HSD17B12: variants seen among roughly 807,000 people sequenced by gnomAD.
The protein encoded by HSD17B12 is very-long-chain 3-oxoacyl-CoA reductase.
A neutral mutation model predicts 39.3 loss-of-function variants in HSD17B12; 32 were observed. That is an observed-to-expected ratio of 0.81 (90% CI 0.61 to 1.09). The LOEUF is 1.09. HSD17B12 is among the 50% of genes least tolerant of loss of function. The pLI is 0.00. For synonymous variants in HSD17B12, 150 were observed against 146.7 expected, an observed-to-expected ratio of 1.02 and a Z score of -0.16; for missense variants, 342 against 382.9, an observed-to-expected ratio of 0.89 and a Z score of 0.89.
intron 4 of HSD17B12, among the ~76,000 whole-genome samples, chr11:43,811,536 T>A (rs746465630): frequency 1.1e-4 from 17 of 152,226 alleles, no homozygotes; most frequent in Non-Finnish European, 1.9e-4. Flanking sequence ...GTGATACTAT[T>A]TACTTTTTTG....
At chr11:43,775,253 G>C (rs1950688537) in intron 3 of HSD17B12, among the ~76,000 whole-genome samples, 1 of 152,096 alleles carries the variant, frequency 6.6e-6, no homozygotes. Context: ...GAACAGCGGA[G>C]TCAATTACAT....
chr11:43,683,022 G>A lies in HSD17B12; in HGVS notation c.160+2035G>A, dbSNP rs187186269. On this transcript the variant is annotated intron_variant, in intron 1 of 10. Coordinates refer to ENST00000278353, the MANE Select transcript of HSD17B12 (RefSeq NM_016142.3). ...TCAGAGGCTGGTCTGGAAGACCTGA[G>A]ATCAAGCAATCCTCCTGCTTCAGCC... Among the ~76,000 whole-genome samples, 16 of 151,546 alleles carry A rather than the reference G, an allele frequency of 1.1e-4. No homozygotes were observed. In the East Asian group the frequency reaches 3.1e-3, roughly 29 times the overall value.
At chr11:43,754,637 A>T (rs376113439) in intron 3 of HSD17B12, among the ~76,000 whole-genome samples, 12 of 152,304 alleles carry the variant, frequency 7.9e-5, no homozygotes, top group African/African-American at 2.9e-4. Context: ...TAATTTGCTT[A>T]AAATGTCTTT....
the HSD17B12 span, among the ~76,000 whole-genome samples, chr11:43,602,175 C>T: frequency 1.3e-5 from 2 of 152,028 alleles, no homozygotes; most frequent in Admixed American, 6.6e-5. Context: ...ATTGAGGAGC[C>T]GATCTACAGT....
the HSD17B12 span, among the ~76,000 whole-genome samples, chr11:43,608,730 A>T: frequency 6.6e-6 from 1 of 152,226 alleles, no homozygotes; most frequent in Non-Finnish European, 1.5e-5. Flanking sequence ...AGCAATAAAA[A>T]TATTTGTAGC....
intron 3 of HSD17B12, among the ~76,000 whole-genome samples, chr11:43,776,627 A>G (rs1188160649): frequency 2.0e-5 from 3 of 152,082 alleles, no homozygotes; most frequent in Non-Finnish European, 2.9e-5. Context: ...CTATTTGTTG[A>G]TTTTGGCTTT....
chr11:43,637,891 G>T, the HSD17B12 span, among the ~76,000 whole-genome samples: 4 of 152,260 alleles, frequency 2.6e-5, no homozygotes, highest in Middle Eastern at 3.4e-3. Context: ...TATTTAGGTG[G>T]TTAACATTAG....
the HSD17B12 span, among the ~76,000 whole-genome samples, chr11:43,672,142 G>C: frequency 6.6e-6 from 1 of 152,094 alleles, no homozygotes; most frequent in Non-Finnish European, 1.5e-5. Context: ...TCTGCCTCCC[G>C]GGTTCACGCC....
chr11:43,623,102 G>A, the HSD17B12 span, among the ~76,000 whole-genome samples: 2 of 152,102 alleles, frequency 1.3e-5, no homozygotes, highest in East Asian at 3.8e-4. Flanking sequence ...CTCAAGTAAT[G>A]TTTTAAGCCC....
intron 7 of HSD17B12, among the ~76,000 whole-genome samples, chr11:43,835,590 GGGCT>G (rs1229980061): frequency 2.0e-5 from 3 of 152,064 alleles, no homozygotes; most frequent in Non-Finnish European, 4.4e-5. Context: ...ATTTGTAGAA[GGGCT>G]ATTTTCTCTA....
rs957893360 is a variant in HSD17B12, at chr11:43,718,579, C to T, written c.161-32332C>T. Reference sequence around the variant, plus strand: ...ATTTAAAAAGAGGAAGAATTGGAAGCACTGTTCCATAGCAATTTTGAAATT... The same window carrying T: ...ATTTAAAAAGAGGAAGAATTGGAAGTACTGTTCCATAGCAATTTTGAAATT... On this transcript the variant is annotated intron_variant, in intron 1 of 10. Transcript: ENST00000278353. The T allele has an allele frequency of 9.9e-6, 5 of 505,826 alleles. No individual in the cohort carries two copies. The Admixed American group carries it at 1.7e-4, about 17-fold the overall frequency. 31.3% of individuals were successfully genotyped at this position (505,826 alleles called of 1,614,324 possible).
chr11:43,843,982 G>A (rs938292211), intron 9 of HSD17B12, among the ~76,000 whole-genome samples: 2 of 152,160 alleles, frequency 1.3e-5, no homozygotes, highest in South Asian at 2.1e-4. Flanking sequence ...GTTGTGCATG[G>A]TCAAGCTTTG....
At chr11:43,771,277 C>T (rs868477206) in intron 3 of HSD17B12, among the ~76,000 whole-genome samples, 17 of 152,168 alleles carry the variant, frequency 1.1e-4, no homozygotes, top group Middle Eastern at 3.4e-3. Context: ...TCCTTTTAAT[C>T]GCTTTATGAA....
chr11:43,717,669 C>T (rs547270348), intron 1 of HSD17B12, among the ~76,000 whole-genome samples: 2 of 152,212 alleles, frequency 1.3e-5, no homozygotes, highest in Admixed American at 1.3e-4. Flanking sequence ...TGTGGTCTCT[C>T]ATTATTTACT....
the HSD17B12 span, among the ~76,000 whole-genome samples, chr11:43,662,836 T>C: frequency 6.6e-6 from 1 of 152,038 alleles, no homozygotes; most frequent in Non-Finnish European, 1.5e-5. Context: ...TTTATCTAAA[T>C]AGGGTTTGAA....
the HSD17B12 span, among the ~76,000 whole-genome samples, chr11:43,631,586 T>C: frequency 6.8e-6 from 1 of 146,616 alleles, no homozygotes; most frequent in East Asian, 2.2e-4. Flanking sequence ...TCTCTCTCTC[T>C]CTCTGTCTCT....
In HSD17B12 at chr11:43,802,745, A is replaced by G. The variant is rs568412122; in HGVS notation, c.391+4318A>G. On this transcript the variant is annotated intron_variant, in intron 4 of 10. Transcript: ENST00000278353. ...GCTCAAGGATGCTACTAAACATTCT[A>G]TAATGTGTATAGGACAGCCTTCCAC... is the stretch of plus-strand genomic sequence containing the variant. Among the ~76,000 whole-genome samples, 6 of 152,300 alleles carry G rather than the reference A, an allele frequency of 3.9e-5. No individual in the cohort carries two copies. In the East Asian group the frequency reaches 9.7e-4, roughly 25 times the overall value.
At chr11:43,680,639 C>T, upstream of HSD17B12, 1 of 610,490 alleles carries the variant, frequency 1.6e-6, no homozygotes, top group South Asian at 1.8e-5. Flanking sequence ...GGCTGACGCA[C>T]TACGCGCAGA....
At chr11:43,781,199 T>C (rs367754888) in intron 3 of HSD17B12, among the ~76,000 whole-genome samples, 1 of 152,326 alleles carries the variant, frequency 6.6e-6, no homozygotes, top group African/African-American at 2.4e-5. Context: ...AATCTCCTTC[T>C]CCAATACAAT....
Sources: allele counts gnomAD v4.1 joint callset (sites outside exome capture counted in the v4.1 genomes callset), GRCh38; gene constraint gnomAD v4.1.1; transcripts MANE v1.5; gene names NCBI Gene and HGNC (gene_info 2026-07-23, HGNC 2026-07-21).